DCAF1: variants seen among roughly 807,000 people sequenced by gnomAD.
The protein encoded by DCAF1 is DDB1 and CUL4 associated factor 1.
A neutral mutation model predicts 128.0 loss-of-function variants in DCAF1; 15 were observed. That is an observed-to-expected ratio of 0.12 (90% CI 0.08 to 0.18). DCAF1 has a LOEUF of 0.18. Ranked by LOEUF, DCAF1 falls within the 10% of genes least tolerant of loss-of-function variation. DCAF1 has a pLI of 1.00. For synonymous variants in DCAF1, 610 were observed against 603.0 expected (o/e 1.01, Z -0.17); for missense variants, 988 against 1,649.5 (o/e 0.60, Z 6.95).
At chr3:51,476,943 G>A (rs181661085) in intron 3 of DCAF1, among the ~76,000 whole-genome samples, 18 of 151,638 alleles carry the variant, frequency 1.2e-4, no homozygotes, top group Middle Eastern at 3.4e-3. Flanking sequence ...AAAATTAGCC[G>A]GGCTTGGTGG....
At chr3:51,438,404 C>A (rs1340245760) in intron 9 of DCAF1, among the ~76,000 whole-genome samples, 1 of 152,050 alleles carries the variant, frequency 6.6e-6, no homozygotes, top group East Asian at 1.9e-4. Flanking sequence ...AGGTATCTCA[C>A]AAAACTAAAA....
At chr3:51,422,017 C>T (rs1462770504) in intron 14 of DCAF1, among the ~76,000 whole-genome samples, 2 of 152,126 alleles carry the variant, frequency 1.3e-5, no homozygotes, top group Admixed American at 6.5e-5. Context: ...CTATAATATA[C>T]CATTATAGCA....
chr3:51,488,383 A>G (rs1297788011), intron 2 of DCAF1, among the ~76,000 whole-genome samples: 2 of 152,224 alleles, frequency 1.3e-5, no homozygotes, highest in Admixed American at 1.3e-4. Context: ...CCAACAGCAT[A>G]TTAAGAAAAT....
chr3:51,413,242 A>C, intron 21 of DCAF1, 40 bp downstream of exon 21: 1 of 1,591,636 alleles, frequency 6.3e-7, no homozygotes, highest in Non-Finnish European at 8.6e-7. Context: ...GGAACACCAA[A>C]ACACGACAAA....
chr3:51,451,633 G>A (rs1211277471), intron 6 of DCAF1, among the ~76,000 whole-genome samples: 1 of 151,876 alleles, frequency 6.6e-6, no homozygotes, highest in Non-Finnish European at 1.5e-5. Context: ...ATGGTGGCAG[G>A]TGCATGTAAT....
In DCAF1 at chr3:51,440,952, T is replaced by G; in HGVS notation, c.1128+18A>C. 6.3e-7 allele frequency: 1 copy of G among 1,589,904 alleles called. No homozygotes were observed. ...TTTTAAAAAATCCCCGGTGACCCAA[T>G]ATTTTTAAGAACTTTACCTTTAGTG... On this transcript the variant is annotated intron_variant, in intron 9 of 24. Transcript: ENST00000684031.
chr3:51,429,531 A>G (rs1486096704), intron 11 of DCAF1, 61 bp from the exon 12 acceptor site: 3 of 753,328 alleles, frequency 4.0e-6, no homozygotes, highest in Admixed American at 3.6e-5. Context: ...TTAAGTAAAA[A>G]TATTTAAAAA....
At chr3:51,467,885 G>A (rs1704300815) in intron 4 of DCAF1, among the ~76,000 whole-genome samples, 2 of 152,114 alleles carry the variant, frequency 1.3e-5, no homozygotes, top group Admixed American at 1.3e-4. Context: ...AAGGTAGGAA[G>A]CATGCTTCTA....
chr3:51,421,148 A>G (rs1460332848), intron 14 of DCAF1, among the ~76,000 whole-genome samples, 151 bp from the exon 15 acceptor site: 1 of 152,224 alleles, frequency 6.6e-6, no homozygotes. Context: ...TATAAAGTGC[A>G]GACAGTTCTA....
intron 6 of DCAF1, among the ~76,000 whole-genome samples, chr3:51,460,591 C>G (rs1424282815): frequency 6.6e-6 from 1 of 151,862 alleles, no homozygotes; most frequent in African/African-American, 2.4e-5. Flanking sequence ...AAAAAAGAGC[C>G]CACATCACCA....
At chr3:51,498,225 T>A (rs1472215143) in intron 1 of DCAF1, among the ~76,000 whole-genome samples, 6 of 151,004 alleles carry the variant, frequency 4.0e-5, no homozygotes, top group Admixed American at 1.3e-4. Context: ...CCGGGCGTGG[T>A]GGCGCGTGCC....
chr3:51,482,374 G>A (rs782182436), intron 3 of DCAF1, among the ~76,000 whole-genome samples: 1 of 150,992 alleles, frequency 6.6e-6, no homozygotes, highest in Non-Finnish European at 1.5e-5. Flanking sequence ...GAGTCCAGGA[G>A]ATCAAGGCTG....
At chr3:51,455,959 G>A (rs1036574128) in intron 6 of DCAF1, among the ~76,000 whole-genome samples, 8 of 152,042 alleles carry the variant, frequency 5.3e-5, no homozygotes, top group Non-Finnish European at 1.0e-4. Flanking sequence ...AACAGCTCCC[G>A]TCTACAGCTC....
chr3:51,499,664 GC>G (rs1553663256), intron 1 of DCAF1, among the ~76,000 whole-genome samples: 1 of 151,466 alleles, frequency 6.6e-6, no homozygotes, highest in East Asian at 1.9e-4. Flanking sequence ...TGGAGGCCCC[GC>G]CCCCAGGACA....
intron 2 of DCAF1, 83 bp from the exon 3 acceptor site, chr3:51,483,919 C>A: frequency 1.1e-6 from 1 of 946,280 alleles, no homozygotes; most frequent in Admixed American, 2.1e-5. Context: ...TAGAAAAGGA[C>A]GAGAAGGCAA....
chr3:51,500,784 G>A (rs1220520730), upstream of DCAF1, among the ~76,000 whole-genome samples: 2 of 150,164 alleles, frequency 1.3e-5, no homozygotes, highest in African/African-American at 4.9e-5. Flanking sequence ...CTCCTGGGCT[G>A]AGTTCTCCCA....
chr3:51,426,315 T>C (rs1365525158), intron 13 of DCAF1, among the ~76,000 whole-genome samples: 1 of 152,094 alleles, frequency 6.6e-6, no homozygotes, highest in Non-Finnish European at 1.5e-5. Flanking sequence ...GTTCAATTGA[T>C]TCTCCTGCCT....
At chr3:51,486,960 TTTTTC>T (rs1316387969) in intron 2 of DCAF1, among the ~76,000 whole-genome samples, 8 of 147,944 alleles carry the variant, frequency 5.4e-5, no homozygotes, top group East Asian at 2.0e-4. Flanking sequence ...AAACAAACTT[TTTTTC>T]TTTTCTTTTC....
In DCAF1 at chr3:51,413,355, T is replaced by G; in HGVS notation, c.3963A>C (p.Leu1321Phe). The G allele has an allele frequency of 6.2e-7, 1 of 1,613,442 alleles. No individual in the cohort carries two copies. Among genetic ancestry groups the G allele is most frequent in the South Asian group, 1.1e-5 (1 of 90,940 alleles). ...AGGGGCTTTTCATCCTCTCTTCCAT[T>G]AAGTCATCTTCATCATCTGCCTGCA... ...AMLQADDEDD[L>F]MEERMKSPFG... Residue 1321 changes from leucine (L) to phenylalanine (F), a missense_variant, in exon 21 of 25, where the codon TTA (leucine) becomes TTC (phenylalanine). Coordinates refer to ENST00000684031, the MANE Select transcript of DCAF1 (RefSeq NM_001387579.1).
Sources: gnomAD v4.1 joint callset for allele counts (sites outside exome capture counted in the v4.1 genomes callset) on GRCh38, gnomAD v4.1.1 for gene constraint, MANE v1.5 for transcripts, NCBI Gene and HGNC (gene_info 2026-07-23, HGNC 2026-07-21) for gene names.